HDX: variants seen among roughly 807,000 people sequenced by gnomAD.
HDX encodes the protein highly divergent homeobox.
Under a neutral mutation model 45.2 loss-of-function variants are expected in HDX, and 19 were observed. That is an observed-to-expected ratio of 0.42 (90% CI 0.29 to 0.62). The LOEUF is 0.62. Ranked by LOEUF, HDX falls within the 20% of genes least tolerant of loss-of-function variation. HDX has a pLI of 0.20. For missense variants in HDX, 532 were observed against 493.9 expected (o/e 1.08, Z -0.73); for synonymous variants, 188 against 172.8 (o/e 1.09, Z -0.69).
Position 84,336,813 on chromosome X carries a change from G to A in HDX, c.1728C>T (p.Thr576=). Residue 576 remains threonine, a synonymous_variant, in exon 8 of 11, where the codon ACC becomes ACT. Coordinates refer to ENST00000373177, the MANE Select transcript of HDX (RefSeq NM_001177479.2). ...AHKEEDHHAV[T]TDNVKIEIID... is the part of the protein sequence containing the mutation. ...AAACTGTACATACCACATTATCTGTGGTTACTGCATGGTGGTCCTCTTCCT... is the reference window on the plus strand; with the variant it reads ...AAACTGTACATACCACATTATCTGTAGTTACTGCATGGTGGTCCTCTTCCT... 1 of 1,169,920 alleles carries A rather than the reference G, an allele frequency of 8.5e-7. No individual in the cohort carries two copies. The highest frequency in any genetic ancestry group is 2.2e-5 in the Admixed American group (1 of 45,002).
At chrX:84,414,124 G>A (rs1602410674) in intron 5 of HDX, among the ~76,000 whole-genome samples, 1 of 111,690 alleles carries the variant, frequency 9.0e-6, no homozygotes, top group Non-Finnish European at 1.9e-5. Flanking sequence ...CTGCCAGCTA[G>A]TGAAGTCCAA....
intron 3 of HDX, among the ~76,000 whole-genome samples, chrX:84,473,160 T>C (rs1360876493): frequency 3.6e-5 from 4 of 109,749 alleles, no homozygotes; most frequent in African/African-American, 1.3e-4. Flanking sequence ...GTTTTCTTGT[T>C]TTTTTTACAC....
chrX:84,335,073 A>T (rs1472558802), intron 8 of HDX, among the ~76,000 whole-genome samples: 1 of 111,686 alleles, frequency 9.0e-6, no homozygotes, highest in Non-Finnish European at 1.9e-5. Flanking sequence ...CAGGCTTTTG[A>T]GTCAGGAAAA....
chrX:84,423,363 AAAG>A (rs2039308327), intron 5 of HDX, among the ~76,000 whole-genome samples: 2 of 110,560 alleles, frequency 1.8e-5, no homozygotes, highest in East Asian at 2.8e-4. Context: ...TGTAACACTT[AAAG>A]AAGAACTAAT....
chrX:84,461,667 G>T (rs2040240599), intron 4 of HDX, among the ~76,000 whole-genome samples: 1 of 111,273 alleles, frequency 9.0e-6, no homozygotes, highest in Non-Finnish European at 1.9e-5. Flanking sequence ...GGACAAATGG[G>T]ATCACATCAA....
At chrX:84,489,259 T>C (rs1220111756) in intron 1 of HDX, among the ~76,000 whole-genome samples, 2 of 111,695 alleles carry the variant, frequency 1.8e-5, no homozygotes, top group Admixed American at 9.6e-5. Flanking sequence ...GAATGGAAAG[T>C]TGGATTAAAA....
intron 5 of HDX, among the ~76,000 whole-genome samples, chrX:84,417,510 A>G (rs1201044662): frequency 1.8e-5 from 2 of 112,421 alleles, no homozygotes; most frequent in African/African-American, 6.5e-5. Context: ...GAGAATGGGC[A>G]TATATACAAT....
At chrX:84,431,323 TG>T (rs1306893050) in intron 5 of HDX, among the ~76,000 whole-genome samples, 1 of 111,128 alleles carries the variant, frequency 9.0e-6, no homozygotes, top group Non-Finnish European at 1.9e-5. Context: ...CACATGCATG[TG>T]TCTTTATAGT....
intron 1 of HDX, among the ~76,000 whole-genome samples, chrX:84,495,639 T>TC (rs1331653505): frequency 1.8e-5 from 2 of 111,404 alleles, no homozygotes; most frequent in African/African-American, 6.5e-5. Context: ...CAGGTAAAAC[T>TC]CCTCCTTTAT....
intron 3 of HDX, among the ~76,000 whole-genome samples, chrX:84,472,965 G>A (rs2040479824): frequency 9.2e-6 from 1 of 108,508 alleles, no homozygotes; most frequent in South Asian, 3.9e-4. Flanking sequence ...TATAAGATGG[G>A]TCAAATGAAA....
intron 4 of HDX, among the ~76,000 whole-genome samples, chrX:84,467,658 TAAG>T (rs1286679724): frequency 9.5e-6 from 1 of 105,290 alleles, no homozygotes; most frequent in Non-Finnish European, 1.9e-5. Flanking sequence ...AAAGAAAAGA[TAAG>T]AAGTTCTAGC....
rs1211873694 is a variant in HDX, at chrX:84,320,190, T to C, written c.*1699A>G. 1.8e-5 allele frequency: 2 copies of C among 110,825 alleles called. No individual in the cohort carries two copies. The highest frequency in any genetic ancestry group is 3.8e-5 in the Non-Finnish European group (2 of 52,378). The allele number at this position is 110,825 out of a possible 1,213,427, so 9.1% of individuals were successfully genotyped here. On this transcript the variant is annotated 3_prime_UTR_variant, in exon 11 of 11. Transcript: ENST00000373177. Reference sequence around the variant, plus strand: ...TTAATCGTAATATCTGAGGCTCTGTTACTCTCTGCTGCTTTCTCTGAATGG... The same window carrying C: ...TTAATCGTAATATCTGAGGCTCTGTCACTCTCTGCTGCTTTCTCTGAATGG...
intron 4 of HDX, among the ~76,000 whole-genome samples, chrX:84,458,510 T>C (rs1284408517): frequency 1.8e-5 from 2 of 112,087 alleles, no homozygotes; most frequent in African/African-American, 6.5e-5. Context: ...AGACCCTAGA[T>C]TTCAATATTT....
chrX:84,452,507 C>T (rs1324586168), intron 4 of HDX, among the ~76,000 whole-genome samples: 1 of 102,163 alleles, frequency 9.8e-6, no homozygotes, highest in Admixed American at 1.1e-4. Flanking sequence ...TTGAAGAAGA[C>T]ACAAACAGAA....
At chrX:84,420,185 A>G (rs1176514098) in intron 5 of HDX, among the ~76,000 whole-genome samples, 1 of 112,303 alleles carries the variant, frequency 8.9e-6, no homozygotes, top group Non-Finnish European at 1.9e-5. Flanking sequence ...AGAAACAGAG[A>G]TATGCGAATT....
intron 4 of HDX, among the ~76,000 whole-genome samples, chrX:84,454,751 T>G (rs1248789986): frequency 9.0e-6 from 1 of 111,062 alleles, no homozygotes; most frequent in African/African-American, 3.3e-5. Context: ...ATAATTTCCA[T>G]GGACCTGGGG....
At chrX:84,360,490 C>T (rs918665359) in intron 6 of HDX, among the ~76,000 whole-genome samples, 2 of 111,559 alleles carry the variant, frequency 1.8e-5, no homozygotes, top group Non-Finnish European at 3.8e-5. Context: ...ATTCACAGTG[C>T]TGTGCACCAG....
At chrX:84,395,502 T>A (rs2038540783) in intron 5 of HDX, among the ~76,000 whole-genome samples, 1 of 111,104 alleles carries the variant, frequency 9.0e-6, no homozygotes, top group South Asian at 3.8e-4. Context: ...TTTTTAGAAT[T>A]CTCTCTCTTT....
rs185096429 is a variant in HDX, at chrX:84,483,568, G to T, written c.-1+4456C>A. 3.6e-5 allele frequency among the ~76,000 whole-genome samples: 4 copies of T among 112,137 alleles called. No individual in the cohort carries two copies. The South Asian group carries it at 1.1e-3, about 32-fold the overall frequency. On this transcript the variant is annotated intron_variant, in intron 2 of 10. Coordinates refer to ENST00000373177, the MANE Select transcript of HDX (RefSeq NM_001177479.2). ...TAGCAAGGCCCTGGGCCTGGCCCAT[G>T]AAACCATTTTTTCTTTGTAGGCCTC... is the stretch of plus-strand genomic sequence containing the variant.
Sources: allele counts gnomAD v4.1 joint callset (sites outside exome capture counted in the v4.1 genomes callset), GRCh38; gene constraint gnomAD v4.1.1; transcripts MANE v1.5; gene names NCBI Gene and HGNC (gene_info 2026-07-23, HGNC 2026-07-21).